Variants in L3MBTL1 observed in about 807,000 individuals in gnomAD.
The protein encoded by L3MBTL1 is lethal(3)malignant brain tumor-like protein 1.
Under a neutral mutation model 105.3 loss-of-function variants are expected in L3MBTL1, and 75 were observed. The observed-to-expected ratio is 0.71, with a 90% CI of 0.59 to 0.86. L3MBTL1 has a LOEUF of 0.86. L3MBTL1 is among the 40% of genes least tolerant of loss of function. The probability of loss-of-function intolerance (pLI) is 0.00; values close to 1 mark genes in which losing one functional copy is unlikely to be tolerated. For missense variants in L3MBTL1, 1,069 were observed against 1,126.4 expected (o/e 0.95, Z 0.73); for synonymous variants, 452 against 436.2 (o/e 1.04, Z -0.45).
chr20:43,516,229 GGA>G, intron 7 of L3MBTL1, 52 bp downstream of exon 7: 1 of 1,325,690 alleles, frequency 7.5e-7, no homozygotes, highest in Non-Finnish European at 1.1e-6. Context: ...ATATACCTTT[GGA>G]GGTGTGAGGC....
chr20:43,540,051 A>G lies in L3MBTL1; in HGVS notation c.2174-100A>G, dbSNP rs746015852. On this transcript the variant is annotated intron_variant, in intron 19 of 21. Transcript: ENST00000418998. ...TCAGAAGGGGCCCGGAGTCCTGTCT[A>G]CTCTGCCAGCCAGTCTCCTGAGTGG... 7.0e-6 allele frequency: 10 copies of G among 1,423,694 alleles called. No homozygotes were observed. The South Asian group carries it at 1.1e-4, about 15-fold the overall frequency. The allele number at this position is 1,423,694 out of a possible 1,614,324, so 88.2% of individuals were successfully genotyped here.
intron 7 of L3MBTL1, among the ~76,000 whole-genome samples, chr20:43,517,092 T>G (rs2018439404): frequency 6.6e-6 from 1 of 151,376 alleles, no homozygotes; most frequent in Admixed American, 6.6e-5. Flanking sequence ...GTACCACGCC[T>G]GGTCGTCTTT....
intron 7 of L3MBTL1, among the ~76,000 whole-genome samples, 160 bp downstream of exon 7, chr20:43,516,337 T>C (rs1369566714): frequency 6.6e-6 from 1 of 152,108 alleles, no homozygotes; most frequent in African/African-American, 2.4e-5. Context: ...GAGAGACTAT[T>C]TTGGGTTTGT....
At chr20:43,523,289 C>T (rs1600917709) in intron 7 of L3MBTL1, 1 of 201,224 alleles carries the variant, frequency 5.0e-6, no homozygotes, top group East Asian at 1.2e-4. Context: ...GCTTGGCGAC[C>T]ATCAGCAAAC....
chr20:43,518,092 T>C (rs1337757401), intron 7 of L3MBTL1, among the ~76,000 whole-genome samples: 1 of 152,202 alleles, frequency 6.6e-6, no homozygotes, highest in East Asian at 1.9e-4. Flanking sequence ...GTACAAATCT[T>C]TTGAAGCATA....
downstream of L3MBTL1, among the ~76,000 whole-genome samples, chr20:43,545,778 G>A (rs1978557637): frequency 6.6e-6 from 1 of 152,220 alleles, no homozygotes; most frequent in African/African-American, 2.4e-5. Flanking sequence ...AAGGTTTTTA[G>A]CCATCAGAAG....
chr20:43,516,217 GTA>G, intron 7 of L3MBTL1, 40 bp downstream of exon 7: 2 of 1,462,718 alleles, frequency 1.4e-6, no homozygotes, highest in South Asian at 1.1e-5. Flanking sequence ...TGTGAGGTGT[GTA>G]TATACCTTTG....
chr20:43,536,763 C>T (rs6130411), intron 19 of L3MBTL1, among the ~76,000 whole-genome samples: 1 of 152,184 alleles, frequency 6.6e-6, no homozygotes, highest in East Asian at 1.9e-4. Flanking sequence ...TTCTCTGATT[C>T]TAGGCTTCCT....
Position 43,528,041 on chromosome 20 carries a change from TACC to T in L3MBTL1, c.863-610_863-608del, listed in dbSNP as rs1010505445. Among the ~76,000 whole-genome samples the T allele has an allele frequency of 1.9e-4, 29 of 152,194 alleles. 1 individual carries two copies. The highest frequency in any genetic ancestry group is 7.0e-4 in the African/African-American group (29 of 41,548). ...CCGAGTAGCTGGGATTACAGGCATG[TACC>T]ACCACGCCCAACTAATTTTTGTATT... On this transcript the variant is annotated intron_variant, in intron 7 of 21. Coordinates refer to ENST00000418998, the MANE Select transcript of L3MBTL1 (RefSeq NM_001377303.1).
At chr20:43,533,551 C>G in intron 13 of L3MBTL1, 133 bp downstream of exon 13, 1 of 701,038 alleles carries the variant, frequency 1.4e-6, no homozygotes, top group Non-Finnish European at 2.3e-6. Context: ...GTCCTGAAGC[C>G]TCAGCTTCTT....
At position 43,537,781 on chromosome 20, in the gene L3MBTL1, G is replaced by C. The variant is rs190202085; in HGVS notation, c.2173+1323G>C. Among the ~76,000 whole-genome samples, 900 of 152,286 alleles carry C rather than the reference G, an allele frequency of 5.9e-3. 32 individuals are homozygous for C. Among genetic ancestry groups the C allele is most frequent in the Admixed American group, 0.051 (785 of 15,298 alleles). ...AAATCACCTGGTTTAGTGCACCTTGGCGAGACCCAAGCTGTCCCAATTCTT... is the reference window on the plus strand; with the variant it reads ...AAATCACCTGGTTTAGTGCACCTTGCCGAGACCCAAGCTGTCCCAATTCTT... On this transcript the variant is annotated intron_variant, in intron 19 of 21. Transcript: ENST00000418998.
Position 43,541,296 on chromosome 20 carries a change from G to A in L3MBTL1, c.*168G>A, listed in dbSNP as rs2019904693. The A allele has an allele frequency of 1.5e-6, 2 of 1,299,586 alleles. No homozygotes were observed. The highest frequency in any genetic ancestry group is 5.7e-5 in the Admixed American group (2 of 34,940). 80.5% of individuals were successfully genotyped at this position (1,299,586 alleles called of 1,614,324 possible). A position where few individuals can be genotyped will look rare whatever the true frequency, so the allele number is the denominator to read the frequency against. ...GAATGTCAGCTTTGGAGACAGTCTG[G>A]GTTTAAATCCCAGTTCTGTCAATTT... On this transcript the variant is annotated 3_prime_UTR_variant, in exon 22 of 22. Transcript: ENST00000418998.
chr20:43,524,006 A>AAG (rs2018881532), intron 7 of L3MBTL1, among the ~76,000 whole-genome samples: 1 of 151,618 alleles, frequency 6.6e-6, no homozygotes, highest in Non-Finnish European at 1.5e-5. Context: ...AAAAAAAAAA[A>AAG]AAAAGAAACA....
chr20:43,523,450 C>A, intron 7 of L3MBTL1: 1 of 232,258 alleles, frequency 4.3e-6, no homozygotes. Context: ...TGTTAAACCC[C>A]CAGAGAGGAA....
chr20:43,509,294 AG>A (rs1359312354), intron 1 of L3MBTL1, among the ~76,000 whole-genome samples: 1 of 150,738 alleles, frequency 6.6e-6, no homozygotes, highest in Non-Finnish European at 1.5e-5. Flanking sequence ...GTGTGATCAT[AG>A]CTCACTGCAG....
At chr20:43,542,597 CA>C (rs1203197055), downstream of L3MBTL1, among the ~76,000 whole-genome samples, 1 of 44,786 alleles carries the variant, frequency 2.2e-5, no homozygotes. Context: ...TTAAGTCATA[CA>C]AAAAAAATTT....
At chr20:43,508,031 G>A (rs947159737) in intron 1 of L3MBTL1, among the ~76,000 whole-genome samples, 1 of 152,182 alleles carries the variant, frequency 6.6e-6, no homozygotes, top group Non-Finnish European at 1.5e-5. Context: ...TGGAGGCTGC[G>A]TGTTTGGAGA....
At chr20:43,515,228 G>A in intron 5 of L3MBTL1, 64 bp from the exon 6 acceptor site, 1 of 1,613,474 alleles carries the variant, frequency 6.2e-7, no homozygotes, top group Non-Finnish European at 8.5e-7. Context: ...CTGTTCAGGG[G>A]TTAGGAGAGG....
chr20:43,541,254 A>T lies in L3MBTL1; in HGVS notation c.*126A>T, dbSNP rs1600967205. On this transcript the variant is annotated 3_prime_UTR_variant, in exon 22 of 22. Coordinates refer to ENST00000418998, the MANE Select transcript of L3MBTL1 (RefSeq NM_001377303.1). ...TAAAATCAAGAGCCAAGGAGTAGTG[A>T]GTTGTAGATAAAAAAAGAATGTCAG... 2 of 1,466,956 alleles carry T rather than the reference A, an allele frequency of 1.4e-6. No individual in the cohort carries two copies. Among genetic ancestry groups the T allele is most frequent in the Non-Finnish European group, 1.8e-6 (2 of 1,111,808 alleles). The allele number at this position is 1,466,956 out of a possible 1,614,324, so 90.9% of individuals were successfully genotyped here.
Sources: allele counts gnomAD v4.1 joint callset (sites outside exome capture counted in the v4.1 genomes callset), GRCh38; gene constraint gnomAD v4.1.1; transcripts MANE v1.5; gene names NCBI Gene and HGNC (gene_info 2026-07-23, HGNC 2026-07-21).